ASPM: variants seen among roughly 807,000 people sequenced by gnomAD.
ASPM encodes the protein abnormal spindle-like microcephaly-associated protein.
Under a neutral mutation model 366.4 loss-of-function variants are expected in ASPM, and 256 were observed. That is an observed-to-expected ratio of 0.70 (90% confidence interval 0.63 to 0.77). The LOEUF (loss-of-function observed/expected upper bound fraction) is 0.77, where lower values mean the gene tolerates loss of function less well. ASPM is among the 30% of genes least tolerant of loss of function. ASPM has a pLI of 0.00. For synonymous variants in ASPM, 1,414 were observed against 1,342.9 expected (o/e 1.05, Z -1.16); for missense variants, 4,146 against 4,090.4 (o/e 1.01, Z -0.37).
chr1:197,145,845 AATAT>A lies in ASPM; in HGVS notation c.297+292_297+295del, dbSNP rs71131744. Among the ~76,000 whole-genome samples the A allele has an allele frequency of 0.19, 28,108 of 147,504 alleles. 3,879 individuals are homozygous for A. Among genetic ancestry groups the A allele is most frequent in the East Asian group, 0.7 (3,465 of 4,968 alleles). On this transcript the variant is annotated intron_variant, in intron 1 of 27. Coordinates refer to ENST00000367409, the MANE Select transcript of ASPM (RefSeq NM_018136.5). Reference sequence around the variant, plus strand: ...CGTCTATCCTAGCCTTCAATTAGAGAATATATATATATATATATATATAATATTG... The same window carrying A: ...CGTCTATCCTAGCCTTCAATTAGAGAATATATATATATATATATAATATTG...
rs1657268020 is a variant in ASPM at position 197,103,314 on chromosome 1, T to C, written c.5937A>G (p.Ser1979=). The part of the protein sequence containing the change: ...RQHKCAIIIQ[S]YYRMHVQQKK... ...TTTGTTGCACATGCATTCTATAGTA[T>C]GACTGTATGATGATAGCACATTTAT... Residue 1979 remains serine, a synonymous_variant, in exon 18 of 28, where the codon TCA becomes TCG. Coordinates refer to ENST00000367409, the MANE Select transcript of ASPM (RefSeq NM_018136.5). 4.3e-6 allele frequency: 7 copies of C among 1,613,242 alleles called. No homozygotes were observed. The highest frequency in any genetic ancestry group is 5.9e-6 in the Non-Finnish European group (7 of 1,179,464).
chr1:197,140,003 T>G, intron 3 of ASPM, 132 bp from the exon 4 acceptor site: 1 of 649,228 alleles, frequency 1.5e-6, no homozygotes, highest in South Asian at 1.6e-5. Context: ...ACCACTGTAC[T>G]CCACGCACTA....
chr1:197,090,347 A>G lies in ASPM; in HGVS notation c.9678T>C (p.Cys3226=). 6.2e-7 allele frequency: 1 copy of G among 1,612,214 alleles called. No homozygotes were observed. Among genetic ancestry groups the G allele is most frequent in the Non-Finnish European group, 8.5e-7 (1 of 1,178,946 alleles). Residue 3226 remains cysteine, a synonymous_variant, in exon 24 of 28, where the codon TGT becomes TGC. Transcript: ENST00000367409. ...TTAGTCGTATAGCTTTAATTTTTGTACAATCATTTTTCTTCCTCCAAGAAT... is the reference window on the plus strand; with the variant it reads ...TTAGTCGTATAGCTTTAATTTTTGTGCAATCATTTTTCTTCCTCCAAGAAT... The part of the protein sequence containing the change: ...RGYSWRKKND[C]TKIKAIRLSL...
Position 197,124,269 on chromosome 1 carries a change from CTT to C in ASPM, c.3229_3230del (p.Lys1077GlufsTer14), listed in dbSNP as rs752679324. ...KEEIAFLKHT[K>X]SIKKTISLLS... ...GTAGAGATATTGTTTTCTTTATACT[CTT>C]TGTGTGTTTTAGAAAGGCAATTTCT... On this transcript the variant is annotated frameshift_variant, in exon 13 of 28. Coordinates refer to ENST00000367409, the MANE Select transcript of ASPM (RefSeq NM_018136.5). LOFTEE classifies it high-confidence loss of function. 1 of 1,607,562 alleles carries C rather than the reference CTT, an allele frequency of 6.2e-7. No homozygotes were observed. The highest frequency in any genetic ancestry group is 1.1e-5 in the South Asian group (1 of 90,594).
Position 197,143,920 on chromosome 1 carries a change from T to G in ASPM, c.441+37A>C, listed in dbSNP as rs533620525. 29 of 1,571,692 alleles carry G rather than the reference T, an allele frequency of 1.8e-5. No homozygotes were observed. In the East Asian group the frequency reaches 6.5e-4, roughly 35 times the overall value. On this transcript the variant is annotated intron_variant, in intron 2 of 27. Coordinates refer to ENST00000367409, the MANE Select transcript of ASPM (RefSeq NM_018136.5). ...ATAAGTTTTATTTATTATTAAACAA[T>G]TTCTTAGAGTAAATCACAGAATGGT...
At chr1:197,123,125 G>A (rs1025345601) in intron 13 of ASPM, among the ~76,000 whole-genome samples, 18 of 152,066 alleles carry the variant, frequency 1.2e-4, no homozygotes, top group Admixed American at 3.9e-4. Context: ...ATTAGTTAAC[G>A]CATATATTTT....
intron 10 of ASPM, among the ~76,000 whole-genome samples, chr1:197,126,394 C>A (rs969789473): frequency 1.1e-4 from 15 of 135,052 alleles, no homozygotes; most frequent in African/African-American, 4.3e-4. Flanking sequence ...GAGCCGAGAT[C>A]GTGCCACTGC....
chr1:197,099,250 T>C (rs543323840), intron 18 of ASPM, among the ~76,000 whole-genome samples: 1 of 151,314 alleles, frequency 6.6e-6, no homozygotes, highest in Non-Finnish European at 1.5e-5. Flanking sequence ...TTAATAAAAA[T>C]GACTGTGGTC....
chr1:197,120,189 C>T (rs1657863317), intron 16 of ASPM, among the ~76,000 whole-genome samples: 1 of 151,862 alleles, frequency 6.6e-6, no homozygotes, highest in Admixed American at 6.6e-5. Context: ...GGAAATAAAT[C>T]AAGAAAAGGG....
intron 4 of ASPM, among the ~76,000 whole-genome samples, chr1:197,137,806 A>G (rs1658468183): frequency 6.6e-6 from 1 of 152,154 alleles, no homozygotes; most frequent in Admixed American, 6.5e-5. Context: ...TGATAACTTT[A>G]GCGTATACCC....
Position 197,143,560 on chromosome 1 carries a change from C to CA in ASPM, c.691dup (p.Cys231LeufsTer26). The CA allele has an allele frequency of 6.2e-7, 1 of 1,613,648 alleles. No individual in the cohort carries two copies. Among genetic ancestry groups the CA allele is most frequent in the Admixed American group, 1.7e-5 (1 of 60,022 alleles). On this transcript the variant is annotated frameshift_variant, in exon 3 of 28. Coordinates refer to ENST00000367409, the MANE Select transcript of ASPM (RefSeq NM_018136.5). LOFTEE classifies it high-confidence loss of function. ...GAGTGGCAAGCAAGTTGCACCATGG[C>CA]ATTCATTGAAAGCAGGGCTAATAGG...
intron 26 of ASPM, 186 bp downstream of exon 26, chr1:197,088,066 GTTTC>G (rs1392741779): frequency 2.1e-5 from 12 of 580,256 alleles, no homozygotes; most frequent in Admixed American, 6.7e-5. Context: ...TCAGAATTCA[GTTTC>G]TTTAATAGTC....
intron 7 of ASPM, among the ~76,000 whole-genome samples, chr1:197,130,388 C>T (rs973565387): frequency 1.3e-5 from 2 of 152,050 alleles, no homozygotes; most frequent in African/African-American, 4.8e-5. Flanking sequence ...ATAACTGTCC[C>T]ATTAAGTACA....
At position 197,102,432 on chromosome 1, in the gene ASPM, A is replaced by G. The variant is rs550136030; in HGVS notation, c.6819T>C (p.Phe2273=). 6.2e-7 allele frequency: 1 copy of G among 1,612,602 alleles called. No homozygotes were observed. Among genetic ancestry groups the G allele is most frequent in the South Asian group, 1.1e-5 (1 of 91,052 alleles). The part of the protein sequence containing the change: ...HIAATLIQRR[F]RTLMMRRRFL... ...ATCTTCTTCTCATCATTAGAGTTCT[A>G]AATCTCCTCTGAATGAGAGTTGCGG... The change falls in exon 18 of 28, where the codon TTT becomes TTC. Residue 2273 remains phenylalanine, a synonymous_variant. Transcript: ENST00000367409.
In ASPM at chr1:197,142,853, G is replaced by T. The variant is rs2125114041; in HGVS notation, c.1399C>A (p.Gln467Lys). The T allele has an allele frequency of 6.2e-7, 1 of 1,613,232 alleles. No individual in the cohort carries two copies. Among genetic ancestry groups the T allele is most frequent in the Non-Finnish European group, 8.5e-7 (1 of 1,179,326 alleles). Residue 467 changes from glutamine (Q) to lysine (K), a missense_variant, in exon 3 of 28, where the codon CAA becomes AAA. Physicochemically the swap from Gln to Lys is moderately conservative, Grantham distance 53. Transcript: ENST00000367409. ...MKSNYYSFIK[Q>K]NNPKFSAVQD... is the part of the protein sequence containing the mutation. ...ACTGCAGAAAATTTAGGATTATTTT[G>T]TTTTATAAAACTGTAGTAATTTGAC...
At chr1:197,100,115 C>A (rs1222906743) in intron 18 of ASPM, among the ~76,000 whole-genome samples, 1 of 151,624 alleles carries the variant, frequency 6.6e-6, no homozygotes, top group Non-Finnish European at 1.5e-5. Context: ...CTTATATTTT[C>A]CACTTAAAGA....
In ASPM at chr1:197,104,092, T is replaced by C. The variant is rs1657313300; in HGVS notation, c.5159A>G (p.Gln1720Arg). The C allele has an allele frequency of 6.2e-7, 1 of 1,612,980 alleles. No homozygotes were observed. The highest frequency in any genetic ancestry group is 8.5e-7 in the Non-Finnish European group (1 of 1,179,450). Residue 1720 changes from glutamine (Q) to arginine (R), a missense_variant, in exon 18 of 28, where the codon CAA becomes CGA. Around this residue, in one of 3 missense-constraint regions of ASPM, gnomAD observed 3,624 missense variants for 3,591.7 expected, o/e 1.01. Transcript: ENST00000367409. ...QCYRSKKIAA[Q>R]KREEYMQMRE... ...CATCTGCATATACTCTTCTCTCTTTTGTGCAGCTATTTTTTTGGAACGGTA... is the reference window on the plus strand; with the variant it reads ...CATCTGCATATACTCTTCTCTCTTTCGTGCAGCTATTTTTTTGGAACGGTA...
At chr1:197,089,249 G>A (rs1274780211) in intron 25 of ASPM, among the ~76,000 whole-genome samples, 2 of 151,984 alleles carry the variant, frequency 1.3e-5, no homozygotes, top group Non-Finnish European at 2.9e-5. Flanking sequence ...ATTGGGTAAA[G>A]CGCTTTAAGT....
Position 197,093,040 on chromosome 1 carries a change from G to A in ASPM, c.9294+12C>T. On this transcript the variant is annotated intron_variant, in intron 21 of 27. Transcript: ENST00000367409. ...TTTATAAGAATGAGATATGCTACTT[G>A]AAAATACTTACTCTTTTTCGTACTA... 3 of 1,587,544 alleles carry A rather than the reference G, an allele frequency of 1.9e-6. No individual in the cohort carries two copies. The African/African-American group carries it at 4.0e-5, about 21-fold the overall frequency.
Sources: allele counts gnomAD v4.1 joint callset (sites outside exome capture counted in the v4.1 genomes callset), GRCh38; gene constraint gnomAD v4.1.1; regional missense constraint gnomAD v4.1.1; transcripts MANE v1.5; gene names NCBI Gene and HGNC (gene_info 2026-07-23, HGNC 2026-07-21).